The following TUFT1 variants were observed in gnomAD, a reference collection of about 807,000 sequenced individuals.
TUFT1 encodes the protein tuftelin.
In TUFT1, 43 loss-of-function variants were observed where a neutral mutation model predicts 57.8. The ratio of observed to expected loss-of-function variants is 0.74; its 90% confidence interval spans 0.58 to 0.96. TUFT1 has a LOEUF of 0.96. Ranked by LOEUF, TUFT1 falls within the 40% of genes least tolerant of loss-of-function variation. The pLI, the probability that TUFT1 is intolerant of heterozygous loss-of-function variation, is 0.00. For missense variants in TUFT1, 459 were observed against 489.0 expected (o/e 0.94, Z 0.58); for synonymous variants, 166 against 176.7 (o/e 0.94, Z 0.48).
intron 11 of TUFT1, among the ~76,000 whole-genome samples, 179 bp from the exon 12 acceptor site, chr1:151,580,763 A>G (rs947893259): frequency 3.3e-5 from 5 of 151,764 alleles, no homozygotes; most frequent in Non-Finnish European, 7.4e-5. Context: ...GTATTGGAGG[A>G]TAAGCGCAAT....
At chr1:151,579,514 G>A in intron 10 of TUFT1, 135 bp from the exon 11 acceptor site, 1 of 739,640 alleles carries the variant, frequency 1.4e-6, no homozygotes. Context: ...CTGAAAGGAG[G>A]CCTTTGTAGA....
At chr1:151,544,485 T>C (rs1665272413) in intron 1 of TUFT1, among the ~76,000 whole-genome samples, 3 of 152,126 alleles carry the variant, frequency 2.0e-5, no homozygotes, top group Admixed American at 6.5e-5. Flanking sequence ...TTACTAGAGA[T>C]GGGGTTTCAT....
At chr1:151,556,036 C>T (rs746917940) in intron 1 of TUFT1, among the ~76,000 whole-genome samples, 2 of 152,148 alleles carry the variant, frequency 1.3e-5, no homozygotes, top group Non-Finnish European at 2.9e-5. Flanking sequence ...TCCTAGTAAC[C>T]ACCAGTCCTT....
intron 6 of TUFT1, among the ~76,000 whole-genome samples, chr1:151,569,016 T>TGTTA (rs1340971376): frequency 6.6e-6 from 1 of 152,188 alleles, no homozygotes; most frequent in Non-Finnish European, 1.5e-5. Context: ...AGACCCTACA[T>TGTTA]GTTAGCTCAT....
intron 12 of TUFT1, among the ~76,000 whole-genome samples, chr1:151,581,442 C>T (rs10494267): frequency 0.56 from 85,228 of 151,964 alleles, 25,894 homozygotes; most frequent in Middle Eastern, 0.71. Flanking sequence ...ACCCTTGCTA[C>T]AAGACACATG....
Position 151,566,181 on chromosome 1 carries a change from A to G in TUFT1, c.433A>G (p.Asn145Asp), listed in dbSNP as rs1412020632. The G allele has an allele frequency of 3.1e-6, 5 of 1,610,882 alleles. No individual in the cohort carries two copies. In the African/African-American group the frequency reaches 4.0e-5, roughly 13 times the overall value. Residue 145 changes from asparagine to aspartate, a missense_variant, in exon 6 of 13, where the codon AAT becomes GAT. Coordinates refer to ENST00000368849, the MANE Select transcript of TUFT1 (RefSeq NM_020127.3). Reference protein sequence around the residue: ...QEIQVVLEKPNGFSQSPTALY... With the variant: ...QEIQVVLEKPDGFSQSPTALY... ...TGAACAGGTGGTGCTAGAAAAGCCA[A>G]ATGGCTTTAGTCAGAGTCCCACAGC...
intron 3 of TUFT1, among the ~76,000 whole-genome samples, chr1:151,563,054 A>T (rs1271374622): frequency 6.6e-6 from 1 of 152,060 alleles, no homozygotes; most frequent in African/African-American, 2.4e-5. Context: ...ATTTATTTAT[A>T]TATTTTTAGT....
chr1:151,565,592 G>A (rs938440668), intron 5 of TUFT1, among the ~76,000 whole-genome samples: 9 of 152,244 alleles, frequency 5.9e-5, no homozygotes, highest in African/African-American at 1.4e-4. Flanking sequence ...AGAACCTAAT[G>A]TGTGCAGAGA....
intron 11 of TUFT1, among the ~76,000 whole-genome samples, 174 bp from the exon 12 acceptor site, chr1:151,580,768 C>T (rs549422730): frequency 1.8e-4 from 27 of 151,296 alleles, no homozygotes; most frequent in African/African-American, 5.8e-4. Context: ...GGAGGATAAG[C>T]GCAATCTATG....
At chr1:151,581,080 G>GA in intron 12 of TUFT1, 38 bp downstream of exon 12, 1 of 1,578,360 alleles carries the variant, frequency 6.3e-7, no homozygotes, top group Non-Finnish European at 8.7e-7. Flanking sequence ...GGCCAGGGAG[G>GA]AGGGGAGAAG....
chr1:151,552,264 T>C (rs1665535564), intron 1 of TUFT1, among the ~76,000 whole-genome samples: 1 of 152,194 alleles, frequency 6.6e-6, no homozygotes, highest in South Asian at 2.1e-4. Context: ...ATGTGGGTAA[T>C]TTCTGGTTTG....
chr1:151,562,077 A>G lies in TUFT1; in HGVS notation c.61-14A>G. ...AAGTTGAGGGGTTATTGTTGCTGTCATTGTCATTATTAGGGCAGCGTGGAC... is the reference window on the plus strand; with the variant it reads ...AAGTTGAGGGGTTATTGTTGCTGTCGTTGTCATTATTAGGGCAGCGTGGAC... On this transcript the variant is annotated splice_polypyrimidine_tract_variant and intron_variant, in intron 1 of 12. Coordinates refer to ENST00000368849, the MANE Select transcript of TUFT1 (RefSeq NM_020127.3). 2 of 1,613,484 alleles carry G rather than the reference A, an allele frequency of 1.2e-6. No homozygotes were observed. Among genetic ancestry groups the G allele is most frequent in the Non-Finnish European group, 8.5e-7 (1 of 1,179,580 alleles).
In TUFT1 at chr1:151,568,021, G is replaced by T. The variant is rs1055973121; in HGVS notation, c.481-1636G>T. The stretch of plus-strand genomic sequence containing the variant: ...CCACAGTGAAATTTCATCTTTCCCC[G>T]AATGCAAATATATATTTACCATGTG... On this transcript the variant is annotated intron_variant, in intron 6 of 12. Transcript: ENST00000368849. Among the ~76,000 whole-genome samples the T allele has an allele frequency of 6.6e-5, 10 of 152,170 alleles. No individual in the cohort carries two copies. In the South Asian group the frequency reaches 1.7e-3, roughly 25 times the overall value.
At chr1:151,572,518 A>AT (rs1282499894) in intron 7 of TUFT1, among the ~76,000 whole-genome samples, 2 of 152,062 alleles carry the variant, frequency 1.3e-5, no homozygotes, top group African/African-American at 4.8e-5. Context: ...CATAAATAAA[A>AT]TTTTTTTAAA....
At chr1:151,581,189 C>G in intron 12 of TUFT1, 147 bp downstream of exon 12, 1 of 758,672 alleles carries the variant, frequency 1.3e-6, no homozygotes, top group South Asian at 1.8e-5. Flanking sequence ...TTTGCCGGAA[C>G]CATTTTCTAG....
chr1:151,540,831 G>A (rs146496839), intron 1 of TUFT1: 100 of 181,240 alleles, frequency 5.5e-4, no homozygotes, highest in Middle Eastern at 4.8e-3. Flanking sequence ...TTTCCCGTGG[G>A]TCGAGGGTCC....
At chr1:151,562,062 GTTA>G in intron 1 of TUFT1, 26 bp from the exon 2 acceptor site, 1 of 1,610,088 alleles carries the variant, frequency 6.2e-7, no homozygotes, top group Non-Finnish European at 8.5e-7. Context: ...AAGTTGAGGG[GTTA>G]TTGTTGCTGT....
intron 9 of TUFT1, among the ~76,000 whole-genome samples, chr1:151,575,334 T>C (rs1666429844): frequency 6.6e-6 from 1 of 152,186 alleles, no homozygotes; most frequent in Non-Finnish European, 1.5e-5. Flanking sequence ...GCAGTGGATA[T>C]GTTATGCCTT....
intron 12 of TUFT1, 128 bp from the exon 13 acceptor site, chr1:151,581,516 C>G (rs112153896): frequency 3.5e-6 from 3 of 864,386 alleles, no homozygotes; most frequent in African/African-American, 1.7e-5. Flanking sequence ...ACTTGGAACC[C>G]AAGTGATCAG....
Sources: allele counts gnomAD v4.1 joint callset (sites outside exome capture counted in the v4.1 genomes callset), GRCh38; gene constraint gnomAD v4.1.1; transcripts MANE v1.5; gene names NCBI Gene and HGNC (gene_info 2026-07-23, HGNC 2026-07-21).